XAGE1A: variants seen among roughly 807,000 people sequenced by gnomAD.
XAGE1A encodes X antigen family member 1A.
chrX:52,498,907 TAGAG>T (rs1363433770), intron 3 of XAGE1A, among the ~76,000 whole-genome samples: 2 of 92,939 alleles, frequency 2.2e-5, no homozygotes, highest in East Asian at 7.4e-4. Flanking sequence ...GCCAGTGAAG[TAGAG>T]AGAATGCATG....
intron 3 of XAGE1A, among the ~76,000 whole-genome samples, chrX:52,499,428 TA>T (rs1922840411): frequency 9.5e-6 from 1 of 105,572 alleles, no homozygotes; most frequent in Non-Finnish European, 2.0e-5. Context: ...AAAAGAATAC[TA>T]TGAAATAACA....
At chrX:52,499,018 TG>T (rs1922810782) in intron 3 of XAGE1A, among the ~76,000 whole-genome samples, 1 of 104,248 alleles carries the variant, frequency 9.6e-6, no homozygotes, top group Non-Finnish European at 2.0e-5. Context: ...GTAATTAGAT[TG>T]AAGACTCATA....
intron 3 of XAGE1A, among the ~76,000 whole-genome samples, chrX:52,499,600 TGAA>T (rs1157979394): frequency 5.3e-5 from 2 of 37,418 alleles, no homozygotes; most frequent in African/African-American, 2.3e-4. Flanking sequence ...TACACAATCT[TGAA>T]GAAACGGAAA....
intron 3 of XAGE1A, among the ~76,000 whole-genome samples, chrX:52,499,148 A>G (rs1337914802): frequency 8.7e-6 from 1 of 115,002 alleles, no homozygotes; most frequent in Admixed American, 9.1e-5. Context: ...AGTAGTTGAC[A>G]CAAGTATGTT....
chrX:52,499,026 CAT>C (rs1487401902), intron 3 of XAGE1A, among the ~76,000 whole-genome samples: 1 of 103,869 alleles, frequency 9.6e-6, no homozygotes, highest in Non-Finnish European at 2.0e-5. Flanking sequence ...ATTGAAGACT[CAT>C]ATAGTAGAGT....
intron 3 of XAGE1A, among the ~76,000 whole-genome samples, chrX:52,499,598 CTTGA>C (rs1380680056): frequency 4.2e-4 from 16 of 38,440 alleles, no homozygotes; most frequent in African/African-American, 1.6e-3. Flanking sequence ...TTTACACAAT[CTTGA>C]AGAAACGGAA....
Sources: gnomAD v4.1 joint callset for allele counts (sites outside exome capture counted in the v4.1 genomes callset) on GRCh38, gnomAD v4.1.1 for gene constraint, MANE v1.5 for transcripts, NCBI Gene and HGNC (gene_info 2026-07-23, HGNC 2026-07-21) for gene names.